The following CFAP251 variants were observed in gnomAD, a reference collection of about 807,000 sequenced individuals.
CFAP251 encodes cilia and flagella associated protein 251, also known as cilia- and flagella-associated protein 251.
Under a neutral mutation model 126.7 loss-of-function variants are expected in CFAP251, and 93 were observed. The ratio of observed to expected loss-of-function variants is 0.73; its 90% CI spans 0.62 to 0.87. The LOEUF (loss-of-function observed/expected upper bound fraction) is 0.87, where lower values mean the gene tolerates loss of function less well. Among genes scored for constraint, CFAP251 ranks in the 40% least tolerant of loss-of-function variants. CFAP251 has a pLI of 0.00. For missense variants in CFAP251, 1,287 were observed against 1,389.2 expected, an observed-to-expected ratio of 0.93 and a Z score of 1.17; for synonymous variants, 503 against 506.9, an observed-to-expected ratio of 0.99 and a Z score of 0.10.
intron 19 of CFAP251, among the ~76,000 whole-genome samples, chr12:121,981,073 A>T (rs891769319): frequency 6.6e-6 from 1 of 152,220 alleles, no homozygotes; most frequent in Non-Finnish European, 1.5e-5. Flanking sequence ...CTGTTGAGTC[A>T]GCATGTTCCT....
chr12:121,978,274 G>A (rs1296216397), intron 19 of CFAP251, among the ~76,000 whole-genome samples: 8 of 150,140 alleles, frequency 5.3e-5, no homozygotes, highest in Admixed American at 5.3e-4. Context: ...GGTGCCTATA[G>A]TCCCAGCTAC....
intron 19 of CFAP251, among the ~76,000 whole-genome samples, chr12:121,976,784 T>G (rs1021589171): frequency 6.6e-6 from 1 of 152,168 alleles, no homozygotes; most frequent in South Asian, 2.1e-4. Context: ...TGGCCCATGC[T>G]TGTGGTCCCA....
chr12:121,967,685 G>A, intron 16 of CFAP251, among the ~76,000 whole-genome samples: 1 of 152,226 alleles, frequency 6.6e-6, no homozygotes. Flanking sequence ...CTGGACGACA[G>A]AGTGAGACTC....
intron 19 of CFAP251, among the ~76,000 whole-genome samples, chr12:121,993,740 C>T (rs1593007797): frequency 1.3e-5 from 2 of 150,988 alleles, no homozygotes; most frequent in Admixed American, 1.3e-4. Flanking sequence ...GCAACCACCC[C>T]GTCTGAGAAG....
At chr12:121,927,120 T>C (rs370322804) in intron 3 of CFAP251, among the ~76,000 whole-genome samples, 187 of 151,878 alleles carry the variant, frequency 1.2e-3, no homozygotes, top group African/African-American at 4.3e-3. Context: ...GTTCTGTGCA[T>C]GTACAACATG....
At chr12:121,940,892 C>G (rs190787176) in intron 5 of CFAP251, among the ~76,000 whole-genome samples, 2 of 152,176 alleles carry the variant, frequency 1.3e-5, no homozygotes, top group African/African-American at 4.8e-5. Flanking sequence ...TACATACACA[C>G]GCACACACAC....
At chr12:121,986,445 C>A (rs1282726356) in intron 19 of CFAP251, among the ~76,000 whole-genome samples, 3 of 151,394 alleles carry the variant, frequency 2.0e-5, no homozygotes, top group Non-Finnish European at 4.4e-5. Flanking sequence ...CTACAGGCAC[C>A]CGCCACCACG....
At chr12:121,965,333 T>C (rs1413397740) in intron 15 of CFAP251, among the ~76,000 whole-genome samples, 1 of 152,212 alleles carries the variant, frequency 6.6e-6, no homozygotes, top group Non-Finnish European at 1.5e-5. Flanking sequence ...CTCATCCGCT[T>C]CTGGGGGCGG....
At chr12:121,959,888 G>T (rs766316811) in intron 13 of CFAP251, 1 of 152,240 alleles carries the variant, frequency 6.6e-6, no homozygotes, top group Non-Finnish European at 1.5e-5. Flanking sequence ...ACTTTGGGAG[G>T]TCGAGGCAGT....
chr12:121,925,248 C>T (rs1565901436), intron 3 of CFAP251, among the ~76,000 whole-genome samples: 1 of 152,152 alleles, frequency 6.6e-6, no homozygotes, highest in Non-Finnish European at 1.5e-5. Context: ...TCCAGGGAGG[C>T]ACCATCTGCG....
intron 19 of CFAP251, among the ~76,000 whole-genome samples, chr12:121,991,809 C>G (rs1030981880): frequency 1.3e-5 from 2 of 152,074 alleles, no homozygotes; most frequent in African/African-American, 4.8e-5. Context: ...GCCTGGCCAA[C>G]AGTAGGAACC....
chr12:121,942,564 C>T lies in CFAP251; in HGVS notation c.1029C>T (p.Cys343=). The change falls in exon 6 of 22, where the codon TGC becomes TGT. Residue 343 remains cysteine (C), a synonymous_variant. Transcript: ENST00000288912. ...GIPVHTIFDS[C]PEGNGIMAMA... ...CTGTGCACACAATATTTGACAGCTG[C>T]CCTGAAGGGAATGGCATCATGGCCA... is the stretch of plus-strand genomic sequence containing the variant. 1.9e-6 allele frequency: 3 copies of T among 1,613,956 alleles called. No individual in the cohort carries two copies. Among genetic ancestry groups the T allele is most frequent in the Non-Finnish European group, 2.5e-6 (3 of 1,179,982 alleles).
intron 9 of CFAP251, among the ~76,000 whole-genome samples, chr12:121,952,423 A>T (rs948749433): frequency 6.6e-5 from 10 of 151,594 alleles, no homozygotes; most frequent in African/African-American, 2.2e-4. Context: ...CTGTATATAA[A>T]AAAAAAAAAA....
intron 9 of CFAP251, chr12:121,952,849 A>G (rs1881582554): frequency 6.6e-6 from 1 of 152,190 alleles, no homozygotes; most frequent in Admixed American, 6.5e-5. Context: ...TGAAAGTACT[A>G]AAAAATACCA....
chr12:121,991,759 C>T (rs978199168), intron 19 of CFAP251, among the ~76,000 whole-genome samples: 2 of 152,066 alleles, frequency 1.3e-5, no homozygotes, highest in Admixed American at 6.5e-5. Context: ...TTTGGGAGGC[C>T]GAGGCAGGCA....
At chr12:121,936,860 G>A (rs1880914131) in intron 5 of CFAP251, among the ~76,000 whole-genome samples, 1 of 152,040 alleles carries the variant, frequency 6.6e-6, no homozygotes, top group African/African-American at 2.4e-5. Flanking sequence ...TGGCTTGCCT[G>A]GGTAGGATAA....
chr12:121,946,766 A>T lies in CFAP251; in HGVS notation c.1192-2218A>T, dbSNP rs913357781. 2.0e-5 allele frequency among the ~76,000 whole-genome samples: 3 copies of T among 149,950 alleles called. No individual in the cohort carries two copies. In the East Asian group the frequency reaches 5.9e-4, roughly 29 times the overall value. On this transcript the variant is annotated intron_variant, in intron 7 of 21. Coordinates refer to ENST00000288912, the MANE Select transcript of CFAP251 (RefSeq NM_144668.6). Reference sequence around the variant, plus strand: ...TGGCTAATTTTTTTTTTTTTTAGAGATGGGGTCTCGCTGTGTTGCCCAGGC... The same window carrying T: ...TGGCTAATTTTTTTTTTTTTTAGAGTTGGGGTCTCGCTGTGTTGCCCAGGC...
intron 20 of CFAP251, 100 bp downstream of exon 20, chr12:122,000,044 T>C: frequency 9.0e-7 from 1 of 1,113,444 alleles, no homozygotes; most frequent in Non-Finnish European, 1.3e-6. Flanking sequence ...CCATCTTTCA[T>C]GAAAGAGGTG....
intron 19 of CFAP251, among the ~76,000 whole-genome samples, chr12:121,993,159 G>A (rs1882918802): frequency 6.9e-6 from 1 of 145,456 alleles, no homozygotes; most frequent in African/African-American, 2.6e-5. Flanking sequence ...GGTGGAGACC[G>A]GGTTTCGCTG....
Sources: gnomAD v4.1 joint callset for allele counts (sites outside exome capture counted in the v4.1 genomes callset) on GRCh38, gnomAD v4.1.1 for gene constraint, MANE v1.5 for transcripts, NCBI Gene and HGNC (gene_info 2026-07-23, HGNC 2026-07-21) for gene names.